CDH23: variants seen among roughly 807,000 people sequenced by gnomAD.
CDH23 encodes the protein cadherin related 23.
In CDH23, 189 loss-of-function variants were observed where a neutral mutation model predicts 317.1. The ratio of observed to expected loss-of-function variants is 0.60; its 90% CI spans 0.53 to 0.67. CDH23 has a LOEUF of 0.67. CDH23 is among the 30% of genes least tolerant of loss of function. The pLI, the probability that CDH23 is intolerant of heterozygous loss-of-function variation, is 0.00. For synonymous variants in CDH23, 1,839 were observed against 1,876.8 expected, an observed-to-expected ratio of 0.98 and a Z score of 0.52; for missense variants, 4,401 against 4,592.4, an observed-to-expected ratio of 0.96 and a Z score of 1.20.
intron 3 of CDH23, among the ~76,000 whole-genome samples, chr10:71,449,537 C>CTA (rs536249807): frequency 2.7e-4 from 41 of 152,142 alleles, no homozygotes; most frequent in Admixed American, 2.1e-3. Flanking sequence ...ATATGACATA[C>CTA]TATATATATA....
At chr10:71,659,752 T>C (rs1863564308) in intron 14 of CDH23, among the ~76,000 whole-genome samples, 1 of 152,206 alleles carries the variant, frequency 6.6e-6, no homozygotes, top group Non-Finnish European at 1.5e-5. Context: ...AACTAATGGA[T>C]AGATGTTCAA....
intron 3 of CDH23, among the ~76,000 whole-genome samples, chr10:71,481,311 G>A (rs996620084): frequency 1.3e-5 from 2 of 152,214 alleles, no homozygotes; most frequent in African/African-American, 4.8e-5. Context: ...GATGAGCGAA[G>A]GGGTGAAGGC....
intron 3 of CDH23, among the ~76,000 whole-genome samples, chr10:71,491,577 C>T (rs895188859): frequency 1.3e-5 from 2 of 152,192 alleles, no homozygotes; most frequent in Admixed American, 1.3e-4. Flanking sequence ...TCAGCAGAGG[C>T]CATACTCTAC....
At chr10:71,791,679 G>A (rs1052018435) in intron 47 of CDH23, among the ~76,000 whole-genome samples, 3 of 151,562 alleles carry the variant, frequency 2.0e-5, no homozygotes, top group Non-Finnish European at 2.9e-5. Context: ...AGGTTCAAGT[G>A]ATTCTCCTGC....
At chr10:71,695,340 A>T (rs1481932202) in intron 21 of CDH23, 78 bp from the exon 22 acceptor site, 7 of 995,450 alleles carry the variant, frequency 7.0e-6, no homozygotes, top group Middle Eastern at 2.0e-4. Context: ...TGGGCATCTG[A>T]GCACTTTTCC....
At chr10:71,734,743 A>C (rs1589384822) in intron 34 of CDH23, 85 bp downstream of exon 34, 1 of 877,922 alleles carries the variant, frequency 1.1e-6, no homozygotes, top group Non-Finnish European at 1.7e-6. Context: ...GGACCTTCCC[A>C]CCTCTCCCAG....
rs75484643 is a variant in CDH23, at chr10:71,705,324, T to C, written c.2953+194T>C. On this transcript the variant is annotated intron_variant, in intron 25 of 69. Coordinates refer to ENST00000224721, the MANE Select transcript of CDH23 (RefSeq NM_022124.6). ...CAGAGCCTTCTCCACACCTGACCACTGCCTTCAGTGCCCCAGAGCTCAGGG... is the reference window on the plus strand; with the variant it reads ...CAGAGCCTTCTCCACACCTGACCACCGCCTTCAGTGCCCCAGAGCTCAGGG... Among the ~76,000 whole-genome samples, 198 of 152,260 alleles carry C rather than the reference T, an allele frequency of 1.3e-3. 1 individual carries two copies. Among genetic ancestry groups the C allele is most frequent in the African/African-American group, 4.6e-3 (190 of 41,540 alleles).
At chr10:71,582,817 G>A (rs1427879126) in intron 9 of CDH23, among the ~76,000 whole-genome samples, 1 of 152,204 alleles carries the variant, frequency 6.6e-6, no homozygotes, top group Non-Finnish European at 1.5e-5. Context: ...GTGGAGACCA[G>A]GGCACCATCT....
intron 3 of CDH23, among the ~76,000 whole-genome samples, chr10:71,458,775 G>A (rs1436609401): frequency 6.6e-6 from 1 of 152,122 alleles, no homozygotes; most frequent in East Asian, 1.9e-4. Context: ...ATTAAAGTAA[G>A]GGTTTTTTGT....
In CDH23 at chr10:71,646,566, C is replaced by T. The variant is rs1366409018; in HGVS notation, c.1398C>T (p.Asn466=). ...NRPIFSQPLY[N]ISLYENVTVG... is the part of the protein sequence containing the mutation. ...CCATCTTCAGCCAGCCACTGTACAA[C>T]ATCAGCCTGTACGAGAACGTCACCG... The change falls in exon 14 of 70, where the codon AAC becomes AAT. Residue 466 remains asparagine, a synonymous_variant. Coordinates refer to ENST00000224721, the MANE Select transcript of CDH23 (RefSeq NM_022124.6). 8 of 1,613,908 alleles carry T rather than the reference C, an allele frequency of 5.0e-6. No individual in the cohort carries two copies. Among genetic ancestry groups the T allele is most frequent in the Non-Finnish European group, 6.8e-6 (8 of 1,179,906 alleles).
intron 28 of CDH23, chr10:71,716,019 G>A (rs1437282722): frequency 1.0e-5 from 15 of 1,500,470 alleles, no homozygotes; most frequent in African/African-American, 2.8e-5. Flanking sequence ...ACGGTGGGCC[G>A]GCCATGGCGG....
intron 9 of CDH23, among the ~76,000 whole-genome samples, chr10:71,599,904 C>A (rs1306902037): frequency 6.6e-6 from 1 of 151,778 alleles, no homozygotes; most frequent in Non-Finnish European, 1.5e-5. Flanking sequence ...CCACCTCTGA[C>A]ACTTGACACA....
At chr10:71,798,209 C>T (rs1841456085) in intron 49 of CDH23, 145 bp from the exon 50 acceptor site, 3 of 651,162 alleles carry the variant, frequency 4.6e-6, no homozygotes, top group Admixed American at 4.6e-5. Context: ...TGTGCTGCAG[C>T]CTGAGGGTCA....
chr10:71,790,910 C>T, intron 46 of CDH23: 1 of 588,454 alleles, frequency 1.7e-6, no homozygotes, highest in Admixed American at 2.9e-5. Context: ...GCAGAGGGCA[C>T]CTGCAGAGGG....
At chr10:71,698,893 C>T (rs1489462352) in intron 22 of CDH23, among the ~76,000 whole-genome samples, 1 of 152,232 alleles carries the variant, frequency 6.6e-6, no homozygotes, top group Non-Finnish European at 1.5e-5. Flanking sequence ...ACTCTAGCTA[C>T]ACCACTTACC....
At chr10:71,754,774 G>A (rs1404392336) in intron 38 of CDH23, among the ~76,000 whole-genome samples, 1 of 152,156 alleles carries the variant, frequency 6.6e-6, no homozygotes, top group East Asian at 1.9e-4. Context: ...TTATTATATG[G>A]TGGACTTCTA....
At chr10:71,691,904 A>G (rs895462685) in intron 20 of CDH23, among the ~76,000 whole-genome samples, 34 of 152,126 alleles carry the variant, frequency 2.2e-4, no homozygotes, top group Non-Finnish European at 1.3e-4. Context: ...GATGGGTACG[A>G]AGACTGAGGA....
intron 38 of CDH23, chr10:71,773,476 G>A (rs1258105680): frequency 1.9e-6 from 3 of 1,554,712 alleles, no homozygotes; most frequent in Non-Finnish European, 2.6e-6. Context: ...TCTGGTGCCG[G>A]GGAGCGGGCG....
intron 6 of CDH23, among the ~76,000 whole-genome samples, chr10:71,543,862 A>C (rs1452184155): frequency 6.6e-6 from 1 of 152,226 alleles, no homozygotes; most frequent in Non-Finnish European, 1.5e-5. Context: ...AAAGCTGCTA[A>C]GTACTGTAGA....
Sources: allele counts gnomAD v4.1 joint callset (sites outside exome capture counted in the v4.1 genomes callset), GRCh38; gene constraint gnomAD v4.1.1; transcripts MANE v1.5; gene names NCBI Gene and HGNC (gene_info 2026-07-23, HGNC 2026-07-21).